Variants in SLC26A2 observed in about 807,000 individuals in gnomAD.
SLC26A2 encodes the protein sulfate transporter.
In SLC26A2, 36 loss-of-function variants were observed where a neutral mutation model predicts 41.1. The observed-to-expected ratio is 0.88, with a 90% CI of 0.67 to 1.16. The LOEUF is 1.16. SLC26A2 is among the 50% of genes most tolerant of loss of function. The pLI is 0.00. For synonymous variants in SLC26A2, 291 were observed against 311.6 expected (o/e 0.93, Z 0.70); for missense variants, 796 against 869.6 (o/e 0.92, Z 1.07).
intron 1 of SLC26A2, among the ~76,000 whole-genome samples, chr5:149,975,897 C>T (rs1754983982): frequency 6.6e-6 from 1 of 151,996 alleles, no homozygotes; most frequent in Non-Finnish European, 1.5e-5. Flanking sequence ...GTGGCTCGTG[C>T]CTGTTATCCC....
chr5:149,980,815 C>T lies in SLC26A2; in HGVS notation c.1222C>T (p.His408Tyr). ...VSLSEMFAKKHGYTVKANQEM... is the reference protein window; with the variant it reads ...VSLSEMFAKKYGYTVKANQEM... ...ACTTTCTGAGATGTTTGCCAAGAAA[C>T]ATGGTTACACAGTCAAAGCAAACCA... is the stretch of plus-strand genomic sequence containing the variant. Residue 408 changes from histidine to tyrosine, a missense_variant, in exon 3 of 3, where the codon CAT becomes TAT. Transcript: ENST00000286298. 2 of 1,614,076 alleles carry T rather than the reference C, an allele frequency of 1.2e-6. No homozygotes were observed. The highest frequency in any genetic ancestry group is 1.7e-6 in the Non-Finnish European group (2 of 1,180,008).
rs1462545477 is a variant in SLC26A2, at chr5:149,985,599, A to C, written c.*3786A>C. On this transcript the variant is annotated 3_prime_UTR_variant, in exon 3 of 3. Coordinates refer to ENST00000286298, the MANE Select transcript of SLC26A2 (RefSeq NM_000112.4). Reference sequence around the variant, plus strand: ...GGGTTAGCCCTGATCTGAATATAAAAGTGAGAAAAGGGCTACAGTGCATTT... The same window carrying C: ...GGGTTAGCCCTGATCTGAATATAAACGTGAGAAAAGGGCTACAGTGCATTT... 6.6e-6 allele frequency: 1 copy of C among 152,224 alleles called. No individual in the cohort carries two copies. Among genetic ancestry groups the C allele is most frequent in the Non-Finnish European group, 1.5e-5 (1 of 68,048 alleles). The allele number at this position is 152,224 out of a possible 1,614,324, so 9.4% of individuals were successfully genotyped here. A position where few individuals can be genotyped will look rare whatever the true frequency, so the allele number is the denominator to read the frequency against.
intron 1 of SLC26A2, among the ~76,000 whole-genome samples, chr5:149,971,772 T>C (rs1221230656): frequency 6.6e-6 from 1 of 152,218 alleles, no homozygotes; most frequent in Non-Finnish European, 1.5e-5. Context: ...TATTAGTTGC[T>C]TTAGTGGAAA....
At chr5:149,976,195 C>A (rs1032266410) in intron 1 of SLC26A2, among the ~76,000 whole-genome samples, 1 of 151,916 alleles carries the variant, frequency 6.6e-6, no homozygotes, top group African/African-American at 2.4e-5. Context: ...TGGCCACAGT[C>A]ACAAATGTTT....
chr5:149,969,136 A>C (rs569961499), intron 1 of SLC26A2, among the ~76,000 whole-genome samples: 1 of 152,360 alleles, frequency 6.6e-6, no homozygotes, highest in South Asian at 2.1e-4. Context: ...TTTTTAAAAT[A>C]AAAACCATTC....
chr5:149,983,629 G>T lies in SLC26A2; in HGVS notation c.*1816G>T, dbSNP rs1373156352. ...TTTTAAGAGACAGTCATCCAGGCCA[G>T]AGTGCAGTTTGATGATAGCTTACTG... On this transcript the variant is annotated 3_prime_UTR_variant, in exon 3 of 3. Coordinates refer to ENST00000286298, the MANE Select transcript of SLC26A2 (RefSeq NM_000112.4). 2 of 152,120 alleles carry T rather than the reference G, an allele frequency of 1.3e-5. No homozygotes were observed. The highest frequency in any genetic ancestry group is 4.8e-5 in the African/African-American group (2 of 41,410). 9.4% of individuals were successfully genotyped at this position (152,120 alleles called of 1,614,324 possible).
At chr5:149,980,166 GT>G (rs1755065692) in intron 2 of SLC26A2, 126 bp from the exon 3 acceptor site, 1 of 794,060 alleles carries the variant, frequency 1.3e-6, no homozygotes, top group South Asian at 1.5e-5. Context: ...ATATGATTGT[GT>G]TTATTCTAGC....
chr5:149,962,949 T>A (rs1021188915), intron 1 of SLC26A2, among the ~76,000 whole-genome samples: 1 of 152,062 alleles, frequency 6.6e-6, no homozygotes, highest in Non-Finnish European at 1.5e-5. Context: ...AGTGCCCTCA[T>A]GTGAAAGACA....
At chr5:149,974,586 C>A (rs1195733219) in intron 1 of SLC26A2, among the ~76,000 whole-genome samples, 1 of 151,758 alleles carries the variant, frequency 6.6e-6, no homozygotes, top group East Asian at 1.9e-4. Context: ...CCATGCCCAG[C>A]TAATTTTTGT....
At chr5:149,968,280 G>A (rs187146528) in intron 1 of SLC26A2, among the ~76,000 whole-genome samples, 3 of 152,168 alleles carry the variant, frequency 2.0e-5, no homozygotes, top group African/African-American at 7.2e-5. Flanking sequence ...GAGTATAAGC[G>A]GAATTACTAG....
At chr5:149,978,908 G>C (rs1755045014) in intron 2 of SLC26A2, among the ~76,000 whole-genome samples, 1 of 151,646 alleles carries the variant, frequency 6.6e-6, no homozygotes, top group Non-Finnish European at 1.5e-5. Context: ...TGTAGAGACA[G>C]GGTTTTGCCA....
Position 149,986,890 on chromosome 5 carries a change from A to G in SLC26A2, c.*5077A>G, listed in dbSNP as rs1430276243. On this transcript the variant is annotated 3_prime_UTR_variant, in exon 3 of 3. Coordinates refer to ENST00000286298, the MANE Select transcript of SLC26A2 (RefSeq NM_000112.4). ...AATAGCCCTTGCCTTTTCAACACAA[A>G]TCAGTTGGAAAATTATGGTTTGAGT... 2 of 152,228 alleles carry G rather than the reference A, an allele frequency of 1.3e-5. No homozygotes were observed. Among genetic ancestry groups the G allele is most frequent in the Non-Finnish European group, 2.9e-5 (2 of 68,038 alleles). 9.4% of individuals were successfully genotyped at this position (152,228 alleles called of 1,614,324 possible). A position where few individuals can be genotyped will look rare whatever the true frequency, so the allele number is the denominator to read the frequency against.
intron 1 of SLC26A2, among the ~76,000 whole-genome samples, chr5:149,964,990 A>G (rs947360000): frequency 6.6e-6 from 1 of 152,350 alleles, no homozygotes; most frequent in Non-Finnish European, 1.5e-5. Context: ...GACAAAACCC[A>G]TATAAGTATG....
intron 1 of SLC26A2, among the ~76,000 whole-genome samples, chr5:149,968,728 C>CT (rs1269057684): frequency 1.3e-5 from 2 of 148,180 alleles, no homozygotes; most frequent in Admixed American, 6.8e-5. Flanking sequence ...CCTCAACTGT[C>CT]TTTTTTTTGA....
chr5:149,980,487 TA>T lies in SLC26A2; in HGVS notation c.896del (p.Lys299ArgfsTer43), dbSNP rs1262031042. 6.2e-7 allele frequency: 1 copy of T among 1,614,156 alleles called. No individual in the cohort carries two copies. The highest frequency in any genetic ancestry group is 1.1e-5 in the South Asian group (1 of 91,082). ...GGATACATGTCTTCAGAAACATCCA[TA>T]AGACCAATCTCTGTGATCTTATCAC... ...TWIHVFRNIH[K>X]TNLCDLITSL... is the part of the protein sequence containing the mutation. On this transcript the variant is annotated frameshift_variant, in exon 3 of 3. Transcript: ENST00000286298. LOFTEE classifies it high-confidence loss of function.
intron 1 of SLC26A2, among the ~76,000 whole-genome samples, chr5:149,973,669 C>G (rs1209430093): frequency 6.6e-6 from 1 of 152,058 alleles, no homozygotes; most frequent in African/African-American, 2.4e-5. Flanking sequence ...GAGTCTCTCC[C>G]TGTCACCCAG....
At chr5:149,973,635 T>G (rs1170816506) in intron 1 of SLC26A2, among the ~76,000 whole-genome samples, 2 of 152,082 alleles carry the variant, frequency 1.3e-5, no homozygotes, top group African/African-American at 4.8e-5. Flanking sequence ...TATTTCTTTT[T>G]CATATTTTAT....
At chr5:149,976,398 G>A (rs1318312886) in intron 1 of SLC26A2, among the ~76,000 whole-genome samples, 2 of 152,168 alleles carry the variant, frequency 1.3e-5, no homozygotes, top group African/African-American at 4.8e-5. Context: ...AGAGGGTGTA[G>A]TATTTCATTT....
At chr5:149,980,150 A>G in intron 2 of SLC26A2, 143 bp from the exon 3 acceptor site, 1 of 723,244 alleles carries the variant, frequency 1.4e-6, no homozygotes, top group South Asian at 1.7e-5. Context: ...AAATGAGAAG[A>G]TTGATATATG....
Sources: allele counts gnomAD v4.1 joint callset (sites outside exome capture counted in the v4.1 genomes callset), GRCh38; gene constraint gnomAD v4.1.1; transcripts MANE v1.5; gene names NCBI Gene and HGNC (gene_info 2026-07-23, HGNC 2026-07-21).